The following SEMA6D variants were observed in gnomAD, a reference collection of about 807,000 sequenced individuals.
SEMA6D encodes semaphorin 6D, also known as semaphorin-6D.
Under a neutral mutation model 106.6 loss-of-function variants are expected in SEMA6D, and 35 were observed. The ratio of observed to expected loss-of-function variants is 0.33; its 90% CI spans 0.25 to 0.44. The LOEUF (loss-of-function observed/expected upper bound fraction) is 0.44, where lower values mean the gene tolerates loss of function less well. Ranked by LOEUF, SEMA6D falls within the 20% of genes least tolerant of loss-of-function variation. SEMA6D has a pLI of 1.00. For synonymous variants in SEMA6D, 499 were observed against 487.7 expected (o/e 1.02, Z -0.31); for missense variants, 1,185 against 1,345.9 (o/e 0.88, Z 1.87).
chr15:47,339,814 C>T (rs2037736180), intron 1 of SEMA6D, among the ~76,000 whole-genome samples: 1 of 151,582 alleles, frequency 6.6e-6, no homozygotes, highest in Non-Finnish European at 1.5e-5. Context: ...AGCTATCATG[C>T]CAATGAACTC....
At chr15:47,755,603 T>A (rs1055277883) in intron 1 of SEMA6D, among the ~76,000 whole-genome samples, 1 of 152,070 alleles carries the variant, frequency 6.6e-6, no homozygotes, top group African/African-American at 2.4e-5. Flanking sequence ...CTTATTGGAT[T>A]GGATTGGAAC....
At chr15:47,430,396 A>T (rs2041483647) in intron 2 of SEMA6D, among the ~76,000 whole-genome samples, 1 of 151,900 alleles carries the variant, frequency 6.6e-6, no homozygotes, top group African/African-American at 2.4e-5. Context: ...GTGATCATCC[A>T]GGGAGTTTTT....
At chr15:47,315,437 CT>C (rs113818352) in intron 1 of SEMA6D, among the ~76,000 whole-genome samples, 4,206 of 152,300 alleles carry the variant, frequency 0.028, 195 homozygotes, top group African/African-American at 0.095. Context: ...ACTCTCTATC[CT>C]CTTCCATTAA....
intron 1 of SEMA6D, among the ~76,000 whole-genome samples, chr15:47,391,255 C>T (rs1230133064): frequency 1.3e-5 from 2 of 152,196 alleles, no homozygotes; most frequent in Non-Finnish European, 2.9e-5. Flanking sequence ...ACACTGGATA[C>T]TGGCAGAGCT....
rs529313815 is a variant in SEMA6D, at chr15:47,700,207, A to G, written c.-54-59538A>G. On this transcript the variant is annotated intron_variant, in intron 4 of 19. Coordinates refer to the SEMA6D transcript ENST00000558014. ...ATAGTTAAGATGTCAGTTCTTGCCA[A>G]ATTGATCTATAGTTTCAATGCAATC... 2.6e-5 allele frequency among the ~76,000 whole-genome samples: 4 copies of G among 152,326 alleles called. No individual in the cohort carries two copies. In the South Asian group the frequency reaches 8.3e-4, roughly 32 times the overall value.
At position 47,278,430 on chromosome 15, in the gene SEMA6D, G is replaced by C. The variant is rs1218287648; in HGVS notation, c.-239+94012G>C. ...TGTCTTCTTTTGAGAAGTGTCTGTT[G>C]ATGTCCTTTGCCCACTTTTTGATGG... On this transcript the variant is annotated intron_variant, in intron 1 of 19. Transcript: ENST00000558014. Among the ~76,000 whole-genome samples the C allele has an allele frequency of 5.9e-4, 90 of 152,092 alleles. No individual in the cohort carries two copies. In the East Asian group the frequency reaches 0.013, roughly 21 times the overall value.
intron 1 of SEMA6D, among the ~76,000 whole-genome samples, chr15:47,187,119 C>G (rs1219639427): frequency 1.3e-5 from 2 of 151,930 alleles, no homozygotes; most frequent in African/African-American, 4.8e-5. Flanking sequence ...TGTCTAGGAA[C>G]TGAAGGAAGA....
chr15:47,537,521 A>C (rs1234743134), intron 3 of SEMA6D, among the ~76,000 whole-genome samples: 1 of 152,212 alleles, frequency 6.6e-6, no homozygotes, highest in Non-Finnish European at 1.5e-5. Context: ...TTGGGAAGGC[A>C]CTGTAAGTCT....
At chr15:47,720,261 CTT>C (rs869122623) in intron 1 of SEMA6D, among the ~76,000 whole-genome samples, 18,165 of 96,884 alleles carry the variant, frequency 0.19, 887 homozygotes, top group Non-Finnish European at 0.24. Flanking sequence ...AATAACCTTT[CTT>C]TTTTTTTTTT....
chr15:47,612,820 T>G lies in SEMA6D; in HGVS notation c.-55+11924T>G, dbSNP rs184252652. Among the ~76,000 whole-genome samples the G allele has an allele frequency of 2.0e-5, 3 of 152,294 alleles. No individual in the cohort carries two copies. In the East Asian group the frequency reaches 5.8e-4, roughly 29 times the overall value. On this transcript the variant is annotated intron_variant, in intron 4 of 19. Coordinates refer to the SEMA6D transcript ENST00000558014. ...TGAGATTGACAAATAGGTGAGTTAT[T>G]ATAAATGAAATGATATCAAACAATT...
chr15:47,471,923 T>C (rs893040033), intron 3 of SEMA6D, among the ~76,000 whole-genome samples: 1 of 129,910 alleles, frequency 7.7e-6, no homozygotes, highest in Admixed American at 7.8e-5. Flanking sequence ...TCTCTCTCTC[T>C]CTCTCTCTCA....
intron 1 of SEMA6D, among the ~76,000 whole-genome samples, chr15:47,258,455 C>T (rs1340512394): frequency 6.6e-6 from 1 of 152,128 alleles, no homozygotes; most frequent in East Asian, 1.9e-4. Flanking sequence ...TGTGTACAGG[C>T]ATCATCCAAT....
In SEMA6D at chr15:47,422,180, GCCTTCCTTCCTTCCTT is replaced by G. The variant is rs68039702; in HGVS notation, c.-159+9747_-159+9762del. On this transcript the variant is annotated intron_variant, in intron 2 of 19. Coordinates refer to the SEMA6D transcript ENST00000558014. Reference sequence around the variant, plus strand: ...TTATTTTTTGCCCGCCCGCCTGCCTGCCTTCCTTCCTTCCTTCCTTCCTTCCTTCCTTCCTTCCTTC... The same window carrying G: ...TTATTTTTTGCCCGCCCGCCTGCCTGCCTTCCTTCCTTCCTTCCTTCCTTC... Among the ~76,000 whole-genome samples the G allele has an allele frequency of 3.5e-3, 399 of 112,872 alleles. 2 individuals carry two copies. The highest frequency in any genetic ancestry group is 5.7e-3 in the Non-Finnish European group (303 of 53,412). The allele number at this position is 112,872 out of a possible 152,430, so 74.0% of individuals were successfully genotyped here. A position where few individuals can be genotyped will look rare whatever the true frequency, so the allele number is the denominator to read the frequency against.
chr15:47,444,511 C>A (rs2041972756), intron 2 of SEMA6D, among the ~76,000 whole-genome samples: 1 of 152,060 alleles, frequency 6.6e-6, no homozygotes, highest in South Asian at 2.1e-4. Flanking sequence ...GAGTAAGTAT[C>A]AGAAGGATAT....
intron 1 of SEMA6D, among the ~76,000 whole-genome samples, chr15:47,756,870 T>C (rs2081772746): frequency 6.6e-6 from 1 of 151,086 alleles, no homozygotes; most frequent in African/African-American, 2.4e-5. Flanking sequence ...CCTCCATTTA[T>C]AACTACTATG....
At chr15:47,346,159 T>A (rs918438426) in intron 1 of SEMA6D, among the ~76,000 whole-genome samples, 6 of 152,192 alleles carry the variant, frequency 3.9e-5, no homozygotes, top group African/African-American at 9.6e-5. Flanking sequence ...CTGGTTTTGC[T>A]AACCTTATTA....
At chr15:47,631,757 A>T (rs2077296856) in intron 4 of SEMA6D, among the ~76,000 whole-genome samples, 1 of 151,992 alleles carries the variant, frequency 6.6e-6, no homozygotes, top group Non-Finnish European at 1.5e-5. Context: ...CAGACTTCAG[A>T]TCTCCAGAAC....
chr15:47,507,233 T>C (rs1210414740), intron 3 of SEMA6D, among the ~76,000 whole-genome samples: 3 of 152,056 alleles, frequency 2.0e-5, no homozygotes, highest in African/African-American at 4.8e-5. Context: ...AATGAGAAGA[T>C]AGAAAAATAG....
At chr15:47,485,727 C>A (rs543934143) in intron 3 of SEMA6D, among the ~76,000 whole-genome samples, 1 of 152,150 alleles carries the variant, frequency 6.6e-6, no homozygotes, top group Admixed American at 6.6e-5. Flanking sequence ...AGGCATAGCA[C>A]CGAGCCACAG....
Sources: gnomAD v4.1 joint callset for allele counts (sites outside exome capture counted in the v4.1 genomes callset) on GRCh38, gnomAD v4.1.1 for gene constraint, MANE v1.5 for transcripts, NCBI Gene and HGNC (gene_info 2026-07-23, HGNC 2026-07-21) for gene names.